The following ITGAE variants were observed in gnomAD, a reference collection of about 807,000 sequenced individuals.
ITGAE encodes integrin subunit alpha E, also known as integrin alpha-E.
Under a neutral mutation model 136.5 loss-of-function variants are expected in ITGAE, and 99 were observed. The ratio of observed to expected loss-of-function variants is 0.73; its 90% confidence interval spans 0.62 to 0.86. The LOEUF (loss-of-function observed/expected upper bound fraction) is 0.86, where lower values mean the gene tolerates loss of function less well. Among genes scored for constraint, ITGAE ranks in the 40% least tolerant of loss-of-function variants. The probability of loss-of-function intolerance (pLI) is 0.00; values close to 1 mark genes in which losing one functional copy is unlikely to be tolerated. For missense variants in ITGAE, 1,447 were observed against 1,515.3 expected (o/e 0.95, Z 0.75); for synonymous variants, 613 against 591.8 (o/e 1.04, Z -0.52).
chr17:3,793,973 C>CT lies in ITGAE; in HGVS notation c.34+7137dup, dbSNP rs5818917. Among the ~76,000 whole-genome samples, 491 of 81,144 alleles carry CT rather than the reference C, an allele frequency of 6.1e-3. 5 individuals are homozygous for CT. The highest frequency in any genetic ancestry group is 0.014 in the East Asian group (50 of 3,570). The allele number at this position is 81,144 out of a possible 152,430, so 53.2% of individuals were successfully genotyped here. On this transcript the variant is annotated intron_variant, in intron 1 of 30. Coordinates refer to ENST00000263087, the MANE Select transcript of ITGAE (RefSeq NM_002208.5). ...CCTGTCTCCTGGCTTCCTCTTCATCCTTTTTTTTTTTTTTTTTTTTTTGAG... is the reference window on the plus strand; with the variant it reads ...CCTGTCTCCTGGCTTCCTCTTCATCCTTTTTTTTTTTTTTTTTTTTTTTGAG...
At chr17:3,768,065 C>G (rs1308782951) in intron 2 of ITGAE, among the ~76,000 whole-genome samples, 1 of 152,188 alleles carries the variant, frequency 6.6e-6, no homozygotes, top group Non-Finnish European at 1.5e-5. Flanking sequence ...TACAAGAAAA[C>G]TTCTATATTA....
intron 14 of ITGAE, among the ~76,000 whole-genome samples, chr17:3,752,348 G>C (rs1597332875): frequency 6.6e-6 from 1 of 152,184 alleles, no homozygotes; most frequent in Non-Finnish European, 1.5e-5. Context: ...ACTGAGGCTC[G>C]CCGAGCCCCA....
Position 3,761,136 on chromosome 17 carries a change from A to G in ITGAE, c.475T>C (p.Cys159Arg). The G allele has an allele frequency of 6.2e-7, 1 of 1,613,346 alleles. No homozygotes were observed. The highest frequency in any genetic ancestry group is 1.1e-5 in the South Asian group (1 of 91,086). ...CCACCGCCTTCTTTGTTGCTGTAGC[A>G]GTCTCCAGTGTCCACACGTGCATCT... ...DPDARVDTGD[C>R]YSNKEGGGED... Residue 159 changes from cysteine to arginine, a missense_variant, in exon 6 of 31, where the codon TGC becomes CGC. By Grantham distance (180) the Cys-to-Arg change is radical. Around this residue, in one of 3 missense-constraint regions of ITGAE, gnomAD observed 310 missense variants for 416.1 expected, o/e 0.74. Transcript: ENST00000263087.
chr17:3,795,323 C>A (rs1207309312), intron 1 of ITGAE, among the ~76,000 whole-genome samples: 2 of 152,188 alleles, frequency 1.3e-5, no homozygotes, highest in African/African-American at 4.8e-5. Context: ...GCCAGGCCCA[C>A]CCAAAAAAGG....
chr17:3,792,394 C>T (rs992352552), intron 1 of ITGAE, among the ~76,000 whole-genome samples: 2 of 152,122 alleles, frequency 1.3e-5, no homozygotes, highest in African/African-American at 2.4e-5. Flanking sequence ...TGGGATTACA[C>T]GCGTGAGCCA....
chr17:3,783,513 G>T (rs79753607), intron 1 of ITGAE, among the ~76,000 whole-genome samples: 3,065 of 152,270 alleles, frequency 0.02, 99 homozygotes, highest in African/African-American at 0.069. Flanking sequence ...ATTTTATACG[G>T]AAACTGTATT....
At chr17:3,759,603 G>T (rs1597341554) in intron 7 of ITGAE, 50 bp from the exon 8 acceptor site, 2 of 1,586,132 alleles carry the variant, frequency 1.3e-6, no homozygotes, top group Non-Finnish European at 1.7e-6. Context: ...TGCCACCTCT[G>T]CCCCTGAAAT....
rs767787577 is a variant in ITGAE, at chr17:3,761,898, C to T, written c.315+17G>A. 1.7e-5 allele frequency: 27 copies of T among 1,612,028 alleles called. No individual in the cohort carries two copies. The highest frequency in any genetic ancestry group is 1.7e-4 in the Middle Eastern group (1 of 6,058). ...CAGCCTCCCTAAGGCCCTCCCTCCT[C>T]TCGCTCCTGCACTCACCAAAACACC... is the stretch of plus-strand genomic sequence containing the variant. On this transcript the variant is annotated intron_variant, in intron 4 of 30. Coordinates refer to ENST00000263087, the MANE Select transcript of ITGAE (RefSeq NM_002208.5).
rs780534061 is a variant in ITGAE, at chr17:3,734,799, A to C, written c.2655+18T>G. ...AGGGGCGTGAGGGACCTGTTTCCAC[A>C]GCCACCGTCACAGTCACCTTTTGCA... On this transcript the variant is annotated intron_variant, in intron 21 of 30. Coordinates refer to ENST00000263087, the MANE Select transcript of ITGAE (RefSeq NM_002208.5). The C allele has an allele frequency of 6.2e-7, 1 of 1,613,794 alleles. No individual in the cohort carries two copies. The highest frequency in any genetic ancestry group is 1.1e-5 in the South Asian group (1 of 91,070).
chr17:3,756,197 G>A (rs1022100205), intron 10 of ITGAE, among the ~76,000 whole-genome samples: 36 of 148,768 alleles, frequency 2.4e-4, no homozygotes, highest in African/African-American at 8.2e-4. Flanking sequence ...ATTCTGGGAC[G>A]CAAGGAGGCC....
intron 2 of ITGAE, among the ~76,000 whole-genome samples, chr17:3,775,519 G>A (rs980456265): frequency 1.3e-5 from 2 of 152,132 alleles, no homozygotes; most frequent in Non-Finnish European, 2.9e-5. Flanking sequence ...GAGTGCAATG[G>A]CACGATCTCG....
At chr17:3,756,447 C>A (rs1321843134) in intron 10 of ITGAE, among the ~76,000 whole-genome samples, 1 of 145,116 alleles carries the variant, frequency 6.9e-6, no homozygotes, top group Non-Finnish European at 1.5e-5. Flanking sequence ...TGTCACCCAT[C>A]CTGGAGTGCA....
rs1355254002 is a variant in ITGAE at position 3,797,197 on chromosome 17, G to A, written c.34+3914C>T. Among the ~76,000 whole-genome samples the A allele has an allele frequency of 2.0e-3, 244 of 125,118 alleles. 2 individuals are homozygous for A. Among genetic ancestry groups the A allele is most frequent in the African/African-American group, 6.6e-3 (219 of 33,244 alleles). 82.1% of individuals were successfully genotyped at this position (125,118 alleles called of 152,430 possible). A position where few individuals can be genotyped will look rare whatever the true frequency, so the allele number is the denominator to read the frequency against. On this transcript the variant is annotated intron_variant, in intron 1 of 30. Coordinates refer to ENST00000263087, the MANE Select transcript of ITGAE (RefSeq NM_002208.5). ...TTTTTTTTTTTTGAGACGGAGTCTC[G>A]CTCTGTCGCCCAGGCTGGAGTGCAG...
At chr17:3,749,910 G>A (rs2051821175) in intron 16 of ITGAE, among the ~76,000 whole-genome samples, 1 of 152,068 alleles carries the variant, frequency 6.6e-6, no homozygotes, top group Non-Finnish European at 1.5e-5. Context: ...CAGCTCCTCA[G>A]GAGGCTGAGG....
chr17:3,789,647 T>G (rs1378963134), intron 1 of ITGAE, among the ~76,000 whole-genome samples: 1 of 152,132 alleles, frequency 6.6e-6, no homozygotes, highest in Non-Finnish European at 1.5e-5. Context: ...ATTGCAGGCA[T>G]GTGCCACCAC....
In ITGAE at chr17:3,753,338, G is replaced by T; in HGVS notation, c.1620C>A (p.His540Gln). 1 of 1,614,138 alleles carries T rather than the reference G, an allele frequency of 6.2e-7. No homozygotes were observed. The highest frequency in any genetic ancestry group is 8.5e-7 in the Non-Finnish European group (1 of 1,179,996). Residue 540 changes from histidine (H) to glutamine (Q), a missense_variant, in exon 14 of 31, where the codon CAC (histidine) becomes CAA (glutamine). By Grantham distance (24) the His-to-Gln change is conservative (BLOSUM62 0). This residue lies in a region of ITGAE where 1,031 missense variants were observed against 1,011.4 expected (regional missense o/e 1.02). Coordinates refer to ENST00000263087, the MANE Select transcript of ITGAE (RefSeq NM_002208.5). ...DFLLVAAPFY[H>Q]VHGEEGRVYV... ...AGACTCTGCCTTCTTCTCCATGAAC[G>T]TGGTAAAATGGAGCAGCCACCAGCA...
At chr17:3,736,036 C>T (rs112470096) in intron 20 of ITGAE, among the ~76,000 whole-genome samples, 2 of 152,022 alleles carry the variant, frequency 1.3e-5, no homozygotes, top group African/African-American at 2.4e-5. Flanking sequence ...CCCAGCTACT[C>T]GGGAGGCTGA....
Position 3,716,804 on chromosome 17 carries a change from C to T in ITGAE, c.3334-6G>A. 1 of 1,482,170 alleles carries T rather than the reference C, an allele frequency of 6.7e-7. No individual in the cohort carries two copies. Among genetic ancestry groups the T allele is most frequent in the Non-Finnish European group, 9.4e-7 (1 of 1,064,144 alleles). The allele number at this position is 1,482,170 out of a possible 1,614,324, so 91.8% of individuals were successfully genotyped here. ...TTCAGGAAGACGACAGTGATCTAGA[C>T]AAGACAAAGAGATCGCCCAATAAAT... On this transcript the variant is annotated splice_region_variant and splice_polypyrimidine_tract_variant and intron_variant, in intron 29 of 30. Coordinates refer to ENST00000263087, the MANE Select transcript of ITGAE (RefSeq NM_002208.5).
At chr17:3,775,523 G>A (rs1445232711) in intron 2 of ITGAE, among the ~76,000 whole-genome samples, 5 of 151,940 alleles carry the variant, frequency 3.3e-5, no homozygotes, top group Admixed American at 2.6e-4. Flanking sequence ...GCAATGGCAC[G>A]ATCTCGGCTC....
Sources: gnomAD v4.1 joint callset for allele counts (sites outside exome capture counted in the v4.1 genomes callset) on GRCh38, gnomAD v4.1.1 for gene constraint, gnomAD v4.1.1 regional missense constraint, MANE v1.5 for transcripts, NCBI Gene and HGNC (gene_info 2026-07-23, HGNC 2026-07-21) for gene names.